RPL37A: variants seen among roughly 807,000 people sequenced by gnomAD.
The protein encoded by RPL37A is ribosomal protein L37a, also known as large ribosomal subunit protein eL43.
In RPL37A, 5 loss-of-function variants were observed where a neutral mutation model predicts 13.6. The ratio of observed to expected loss-of-function variants is 0.37; its 90% CI spans 0.19 to 0.78. The LOEUF (loss-of-function observed/expected upper bound fraction) is 0.78, where lower values mean the gene tolerates loss of function less well. Ranked by LOEUF, RPL37A falls within the 30% of genes least tolerant of loss-of-function variation. The pLI, the probability that RPL37A is intolerant of heterozygous loss-of-function variation, is 0.49. For synonymous variants in RPL37A, 50 were observed against 44.4 expected (o/e 1.13, Z -0.50); for missense variants, 77 against 120.0 (o/e 0.64, Z 1.67).
chr2:216,499,165 C>A, intron 1 of RPL37A, 105 bp from the exon 2 acceptor site: 1 of 1,378,416 alleles, frequency 7.3e-7, no homozygotes, highest in South Asian at 1.4e-5. Flanking sequence ...ATATGTAATT[C>A]ACATGTCGGT....
At chr2:216,499,694 A>C in intron 2 of RPL37A, 1 of 659,740 alleles carries the variant, frequency 1.5e-6, no homozygotes, top group Non-Finnish European at 2.7e-6. Flanking sequence ...TTGTCTACTG[A>C]TGTTTCTGCA....
chr2:216,499,219 G>C, intron 1 of RPL37A, 51 bp from the exon 2 acceptor site: 2 of 1,584,854 alleles, frequency 1.3e-6, no homozygotes, highest in Non-Finnish European at 1.7e-6. Context: ...AGGCTCCAGG[G>C]CCTGCCTGGG....
In RPL37A at chr2:216,502,951, C is replaced by T. The variant is rs969030148; in HGVS notation, c.*1547C>T. 6.6e-6 allele frequency: 1 copy of T among 152,162 alleles called. No individual in the cohort carries two copies. The highest frequency in any genetic ancestry group is 1.5e-5 in the Non-Finnish European group (1 of 68,032). The allele number at this position is 152,162 out of a possible 1,614,324, so 9.4% of individuals were successfully genotyped here. A position where few individuals can be genotyped will look rare whatever the true frequency, so the allele number is the denominator to read the frequency against. On this transcript the variant is annotated 3_prime_UTR_variant, in exon 4 of 4. Transcript: ENST00000491306. ...TGCTAGATCCATAGCAGTAACTCAT[C>T]TGTGGATCTCATTTGTGTCACAAAA...
chr2:216,501,795 T>G lies in RPL37A; in HGVS notation c.*391T>G, dbSNP rs74616221. ...TGCAGTATACCAGTCTTGGCCCACT[T>G]CAACCTCCACTTCTTAGGTTCAAGC... On this transcript the variant is annotated 3_prime_UTR_variant, in exon 4 of 4. Coordinates refer to ENST00000491306, the MANE Select transcript of RPL37A (RefSeq NM_000998.5). 5,945 of 158,042 alleles carry G rather than the reference T, an allele frequency of 0.038. 232 individuals are homozygous for G. The highest frequency in any genetic ancestry group is 0.17 in the East Asian group (914 of 5,322). The allele number at this position is 158,042 out of a possible 1,614,324, so 9.8% of individuals were successfully genotyped here. A position where few individuals can be genotyped will look rare whatever the true frequency, so the allele number is the denominator to read the frequency against.
rs112080422 is a variant in RPL37A, at chr2:216,498,879, T to G, written c.3+2T>G. On this transcript the variant is annotated splice_donor_variant, in intron 1 of 3. Transcript: ENST00000491306. LOFTEE classifies it high-confidence loss of function. ...TCGGACCTAGGTCGCGGCGACATGG[T>G]GAGTGTGGGTCTCTGTGCGGCCTAG... 196 of 1,614,060 alleles carry G rather than the reference T, an allele frequency of 1.2e-4. No homozygotes were observed. In the African/African-American group the frequency reaches 2.5e-3, roughly 21 times the overall value.
In RPL37A at chr2:216,503,657, C is replaced by A. The variant is rs1028163848; in HGVS notation, c.*2253C>A. 1 of 152,232 alleles carries A rather than the reference C, an allele frequency of 6.6e-6. No individual in the cohort carries two copies. Among genetic ancestry groups the A allele is most frequent in the Non-Finnish European group, 1.5e-5 (1 of 68,064 alleles). The allele number at this position is 152,232 out of a possible 1,614,324, so 9.4% of individuals were successfully genotyped here. A position where few individuals can be genotyped will look rare whatever the true frequency, so the allele number is the denominator to read the frequency against. The stretch of plus-strand genomic sequence containing the variant: ...GCTCAACTGATAACGTCTGCCTTGG[C>A]CTCCCAAAGTGCTGGGATTCTGTAA... On this transcript the variant is annotated 3_prime_UTR_variant, in exon 4 of 4. Transcript: ENST00000491306.
At chr2:216,501,054 C>A in intron 3 of RPL37A, 1 of 236,746 alleles carries the variant, frequency 4.2e-6, no homozygotes, top group Non-Finnish European at 8.2e-6. Flanking sequence ...GTTGAGAAAT[C>A]AGATGCATGA....
chr2:216,502,342 G>A lies in RPL37A; in HGVS notation c.*938G>A, dbSNP rs1043649010. ...TGTCTCCAAAAAAAAGTTTCTGAAG[G>A]TAAAAGATATACTAAAGGATATACA... On this transcript the variant is annotated 3_prime_UTR_variant, in exon 4 of 4. Transcript: ENST00000491306. 5.3e-5 allele frequency: 8 copies of A among 152,078 alleles called. No homozygotes were observed. The highest frequency in any genetic ancestry group is 2.0e-4 in the Admixed American group (3 of 15,262). The allele number at this position is 152,078 out of a possible 1,614,324, so 9.4% of individuals were successfully genotyped here. A position where few individuals can be genotyped will look rare whatever the true frequency, so the allele number is the denominator to read the frequency against.
intron 1 of RPL37A, 169 bp from the exon 2 acceptor site, chr2:216,499,101 G>A: frequency 8.7e-7 from 1 of 1,152,188 alleles, no homozygotes; most frequent in Non-Finnish European, 1.2e-6. Context: ...TTCGGAGCGC[G>A]CGGCCAGCCC....
chr2:216,500,076 A>G lies in RPL37A; in HGVS notation c.215+45A>G. On this transcript the variant is annotated intron_variant, in intron 3 of 3. Coordinates refer to ENST00000491306, the MANE Select transcript of RPL37A (RefSeq NM_000998.5). ...GTATTTGGAAGTGTGTGGACCACAT[A>G]GGCCCAAATTCCAGGTTGCTGCTGG... 3 of 1,493,044 alleles carry G rather than the reference A, an allele frequency of 2.0e-6. No individual in the cohort carries two copies. The South Asian group carries it at 3.4e-5, about 17-fold the overall frequency. The allele number at this position is 1,493,044 out of a possible 1,614,324, so 92.5% of individuals were successfully genotyped here. A position where few individuals can be genotyped will look rare whatever the true frequency, so the allele number is the denominator to read the frequency against.
intron 2 of RPL37A, 149 bp downstream of exon 2, chr2:216,499,547 T>C: frequency 1.0e-6 from 1 of 974,534 alleles, no homozygotes; most frequent in Admixed American, 2.9e-5. Flanking sequence ...GATAAAAGTG[T>C]TGATGGTAAC....
Position 216,503,380 on chromosome 2 carries a change from T to G in RPL37A, c.*1976T>G, listed in dbSNP as rs1204960656. On this transcript the variant is annotated 3_prime_UTR_variant, in exon 4 of 4. Coordinates refer to ENST00000491306, the MANE Select transcript of RPL37A (RefSeq NM_000998.5). ...ATGATTAGGCATGGAAAACTTCGGT[T>G]TTTATAATCAGTGAAGTACTGCTTT... 1 of 152,262 alleles carries G rather than the reference T, an allele frequency of 6.6e-6. No homozygotes were observed. Among genetic ancestry groups the G allele is most frequent in the East Asian group, 1.9e-4 (1 of 5,180 alleles). The allele number at this position is 152,262 out of a possible 1,614,324, so 9.4% of individuals were successfully genotyped here.
rs1264932373 is a variant in RPL37A at position 216,501,674 on chromosome 2, G to T, written c.*270G>T. 1 of 297,478 alleles carries T rather than the reference G, an allele frequency of 3.4e-6. No homozygotes were observed. The highest frequency in any genetic ancestry group is 2.2e-5 in the African/African-American group (1 of 45,632). 18.4% of individuals were successfully genotyped at this position (297,478 alleles called of 1,614,324 possible). On this transcript the variant is annotated 3_prime_UTR_variant, in exon 4 of 4. Transcript: ENST00000491306. ...AGTCTGCTCCTGCCAGTTTGACTTTGAGATACATTGGAGCCAACTGTAAAC... is the reference window on the plus strand; with the variant it reads ...AGTCTGCTCCTGCCAGTTTGACTTTTAGATACATTGGAGCCAACTGTAAAC...
rs1240952459 is a variant in RPL37A, at chr2:216,501,992, AGGTGT to A, written c.*590_*594del. 2.0e-5 allele frequency: 3 copies of A among 152,250 alleles called. No individual in the cohort carries two copies. Among genetic ancestry groups the A allele is most frequent in the African/African-American group, 7.2e-5 (3 of 41,438 alleles). 9.4% of individuals were successfully genotyped at this position (152,250 alleles called of 1,614,324 possible). ...TGGCCTTCCAGAGTGCTGGGATTAC[AGGTGT>A]GAGCCACCACGCCCAGCCTTGCATT... On this transcript the variant is annotated 3_prime_UTR_variant, in exon 4 of 4. Transcript: ENST00000491306.
Position 216,501,524 on chromosome 2 carries a change from G to T in RPL37A, c.*120G>T. ...CTGATGTTTGCATTGTGTAAATACT[G>T]TTGTATTGGAAAAGCATGCCAAGAT... On this transcript the variant is annotated 3_prime_UTR_variant, in exon 4 of 4. Transcript: ENST00000491306. 1 of 625,526 alleles carries T rather than the reference G, an allele frequency of 1.6e-6. No individual in the cohort carries two copies. The allele number at this position is 625,526 out of a possible 1,614,324, so 38.7% of individuals were successfully genotyped here.
Position 216,498,882 on chromosome 2 carries a change from G to C in RPL37A, c.3+5G>C. 6.2e-7 allele frequency: 1 copy of C among 1,614,086 alleles called. No homozygotes were observed. The highest frequency in any genetic ancestry group is 1.3e-5 in the African/African-American group (1 of 75,050). ...GACCTAGGTCGCGGCGACATGGTGA[G>C]TGTGGGTCTCTGTGCGGCCTAGAAC... is the stretch of plus-strand genomic sequence containing the variant. On this transcript the variant is annotated splice_donor_5th_base_variant and intron_variant, in intron 1 of 3. Transcript: ENST00000491306.
rs1218901212 is a variant in RPL37A, at chr2:216,501,357, A to C, written c.232A>C (p.Thr78Pro). 6.2e-7 allele frequency: 1 copy of C among 1,612,720 alleles called. No homozygotes were observed. The highest frequency in any genetic ancestry group is 8.5e-7 in the Non-Finnish European group (1 of 1,179,622). Residue 78 changes from threonine to proline, a missense_variant, in exon 4 of 4, where the codon ACG becomes CCG. Thr to Pro is a conservative substitution (Grantham distance 38, BLOSUM62 -1). This residue lies in a region of RPL37A where 7 missense variants were observed against 18.5 expected (regional missense o/e 0.38). Coordinates refer to ENST00000491306, the MANE Select transcript of RPL37A (RefSeq NM_000998.5). ...TCTTTCCAGTACCACTTCCGCTGTC[A>C]CGGTAAAGTCCGCCATCAGAAGACT... ...AWTYNTTSAVTVKSAIRRLKE... is the reference protein window; with the variant it reads ...AWTYNTTSAVPVKSAIRRLKE...
chr2:216,499,120 G>C (rs879733955), intron 1 of RPL37A, 150 bp from the exon 2 acceptor site: 34 of 1,219,846 alleles, frequency 2.8e-5, no homozygotes, highest in Non-Finnish European at 3.9e-5. Context: ...CCTGGGCACT[G>C]GTTTCGTTGG....
At position 216,499,417 on chromosome 2, in the gene RPL37A, C is replaced by G; in HGVS notation, c.132+19C>G. The G allele has an allele frequency of 6.2e-7, 1 of 1,613,256 alleles. No homozygotes were observed. The highest frequency in any genetic ancestry group is 8.5e-7 in the Non-Finnish European group (1 of 1,179,398). ...TGGCAAAGTAAGTAAGGCAAAGTCT[C>G]TGGTGAGAGGAGAGGGAGGGCAGGT... On this transcript the variant is annotated intron_variant, in intron 2 of 3. Transcript: ENST00000491306.
Sources: gnomAD v4.1 joint callset for allele counts on GRCh38, gnomAD v4.1.1 for gene constraint, gnomAD v4.1.1 regional missense constraint, MANE v1.5 for transcripts, NCBI Gene and HGNC (gene_info 2026-07-23, HGNC 2026-07-21) for gene names.